Variants in EPPK1 observed in about 807,000 individuals in gnomAD.
The protein encoded by EPPK1 is epiplakin 1, also known as epiplakin.
For synonymous variants in EPPK1, 1,862 were observed against 1,721.2 expected, an observed-to-expected ratio of 1.08 and a Z score of -2.03; for missense variants, 3,823 against 3,673.3, an observed-to-expected ratio of 1.04 and a Z score of -1.05.
chr8:143,866,974 G>C lies in EPPK1; in HGVS notation c.6280C>G (p.His2094Asp). The change falls in exon 2 of 2, where the codon CAC becomes GAC. Residue 2094 changes from histidine to aspartate, a missense_variant. His to Asp is a moderately conservative substitution (Grantham distance 81). Transcript: ENST00000615648. The part of the protein sequence containing the change: ...PVNKAARDSE[H>D]IDDETRRALE... ...GCCCTTCTCGTCTCGTCATCGATGT[G>C]CTCGGAGTCCCGTGCAGCCTTGTTC... 6.2e-7 allele frequency: 1 copy of C among 1,612,782 alleles called. No homozygotes were observed. Among genetic ancestry groups the C allele is most frequent in the Non-Finnish European group, 8.5e-7 (1 of 1,179,858 alleles).
chr8:143,866,670 T>C lies in EPPK1; in HGVS notation c.6584A>G (p.Glu2195Gly). 6.2e-7 allele frequency: 1 copy of C among 1,613,192 alleles called. No homozygotes were observed. The highest frequency in any genetic ancestry group is 8.5e-7 in the Non-Finnish European group (1 of 1,179,866). ...TCCCGTTTCCAGGTCCTGGAGCATT[T>C]CCTCCGTGATTATGGCTGAGCTGAG... ...ELLSSAIITE[E>G]MLQDLETGRS... The change falls in exon 2 of 2, where the codon GAA becomes GGA. Residue 2195 changes from glutamate (E) to glycine (G), a missense_variant. By Grantham distance (98) the Glu-to-Gly change is moderately conservative. Transcript: ENST00000615648.
chr8:143,872,479 G>A lies in EPPK1; in HGVS notation c.775C>T (p.Gln259Ter). Reference sequence around the variant, plus strand: ...GCCAGCCTGCCCTCCCGCAGACCCTGCACAGCCTGCTCGTCCAGGATGCCC... The same window carrying A: ...GCCAGCCTGCCCTCCCGCAGACCCTACACAGCCTGCTCGTCCAGGATGCCC... ...EVGILDEQAVQGLREGRLAAV... is the reference protein window; with the variant it reads ...EVGILDEQAV Residue 259 changes from glutamine (Q) to a stop codon, truncating the protein, a stop_gained, in exon 2 of 2, where the codon CAG (glutamine) becomes TAG (stop). Coordinates refer to ENST00000615648, the MANE Select transcript of EPPK1 (RefSeq NM_031308.4). LOFTEE classifies it low-confidence loss of function (END_TRUNC). The A allele has an allele frequency of 1.3e-6, 2 of 1,592,314 alleles. No homozygotes were observed. Among genetic ancestry groups the A allele is most frequent in the South Asian group, 1.1e-5 (1 of 89,604 alleles).
rs1054923745 is a variant in EPPK1, at chr8:143,868,672, C to A, written c.4582G>T (p.Val1528Leu). ...GCCCTGAACAGGTCCCTGGCTGACA[C>A]CTGCTTCCGGAGCCCTCTGAAGGTG... ...QATFRGLRKQ[V>L]SARDLFRAQL... The change falls in exon 2 of 2, where the codon GTG becomes TTG. Residue 1528 changes from valine to leucine, a missense_variant. Transcript: ENST00000615648. The A allele has an allele frequency of 6.3e-7, 1 of 1,583,074 alleles. No homozygotes were observed. Among genetic ancestry groups the A allele is most frequent in the African/African-American group, 1.3e-5 (1 of 74,268 alleles).
chr8:143,879,168 G>A (rs1819549120), upstream of EPPK1, among the ~76,000 whole-genome samples: 1 of 152,204 alleles, frequency 6.6e-6, no homozygotes, highest in African/African-American at 2.4e-5. Flanking sequence ...GCCTCAGCCT[G>A]GCACGGGAAC....
At chr8:143,875,527 C>A (rs369794440) in intron 1 of EPPK1, among the ~76,000 whole-genome samples, 1 of 152,248 alleles carries the variant, frequency 6.6e-6, no homozygotes, top group East Asian at 1.9e-4. Flanking sequence ...CCCGAGGGAC[C>A]GTGCTCAGGA....
chr8:143,872,947 G>C lies in EPPK1; in HGVS notation c.307C>G (p.Leu103Val). Residue 103 changes from leucine (L) to valine (V), a missense_variant, in exon 2 of 2, where the codon CTG becomes GTG. Leu to Val is a conservative substitution (Grantham distance 32, BLOSUM62 1). Coordinates refer to ENST00000615648, the MANE Select transcript of EPPK1 (RefSeq NM_031308.4). ...TTCTCCTTCAGCTCCAGCCCCACCAGACCCTGCTGCAGGGCCTTGGACACA... is the reference window on the plus strand; with the variant it reads ...TTCTCCTTCAGCTCCAGCCCCACCACACCCTGCTGCAGGGCCTTGGACACA... ...LPVSKALQQG[L>V]VGLELKEKLL... The C allele has an allele frequency of 1.2e-6, 2 of 1,609,942 alleles. No homozygotes were observed. The highest frequency in any genetic ancestry group is 1.7e-6 in the Non-Finnish European group (2 of 1,177,958).
Position 143,868,782 on chromosome 8 carries a change from C to T in EPPK1, c.4472G>A (p.Arg1491Gln), listed in dbSNP as rs781847075. 2.6e-5 allele frequency: 42 copies of T among 1,599,066 alleles called. No individual in the cohort carries two copies. Among genetic ancestry groups the T allele is most frequent in the Middle Eastern group, 1.7e-4 (1 of 6,054 alleles). ...CCGCAGGGCCGCAGCCCTCCCAGAC[C>T]GACAGAGTGCCACCAGCTCCCGCCG... is the stretch of plus-strand genomic sequence containing the variant. ...DKRRELVALC[R>Q]SGRAAALRQV... The change falls in exon 2 of 2, where the codon CGG (arginine) becomes CAG (glutamine). Residue 1491 changes from arginine to glutamine, a missense_variant. Arg to Gln is a conservative substitution (Grantham distance 43). Transcript: ENST00000615648.
At position 143,866,639 on chromosome 8, in the gene EPPK1, G is replaced by A. The variant is rs375639727; in HGVS notation, c.6615C>T (p.Ser2205=). ...CGTCCTCCATGAGCTCTTGCGTCGT[G>A]CTCCGTCCCGTTTCCAGGTCCTGGA... ...EMLQDLETGR[S]TTQELMEDDR... is the part of the protein sequence containing the mutation. Residue 2205 remains serine, a synonymous_variant, in exon 2 of 2, where the codon AGC becomes AGT. Transcript: ENST00000615648. The A allele has an allele frequency of 6.2e-7, 1 of 1,612,892 alleles. No individual in the cohort carries two copies.
Position 143,869,984 on chromosome 8 carries a change from C to T in EPPK1, c.3270G>A (p.Gln1090=). ...GGAGCTGGGCATAGCTCGTGCGCCCCTGGCCGTCCGGTGTGGGGAAGGTTT... is the reference window on the plus strand; with the variant it reads ...GGAGCTGGGCATAGCTCGTGCGCCCTTGGCCGTCCGGTGTGGGGAAGGTTT... The part of the protein sequence containing the change: ...SSETFPTPDG[Q]GRTSYAQLLE... The change falls in exon 2 of 2, where the codon CAG becomes CAA. Residue 1090 remains glutamine (Q), a synonymous_variant. Transcript: ENST00000615648. 6.2e-7 allele frequency: 1 copy of T among 1,607,788 alleles called. No individual in the cohort carries two copies. The highest frequency in any genetic ancestry group is 8.5e-7 in the Non-Finnish European group (1 of 1,177,210).
rs782349419 is a variant in EPPK1, at chr8:143,870,051, T to C, written c.3203A>G (p.Tyr1068Cys). 22 of 1,610,776 alleles carry C rather than the reference T, an allele frequency of 1.4e-5. No individual in the cohort carries two copies. The highest frequency in any genetic ancestry group is 5.0e-5 in the Admixed American group (3 of 59,686). Residue 1068 changes from tyrosine to cysteine, a missense_variant, in exon 2 of 2, where the codon TAT (tyrosine) becomes TGT (cysteine). Physicochemically the swap from Tyr to Cys is radical, Grantham distance 194. Coordinates refer to ENST00000615648, the MANE Select transcript of EPPK1 (RefSeq NM_031308.4). This position sits in a 1 kb window ranked among gnomAD's most constrained non-coding sequence, Gnocchi z 5.2. ...LPMPVAIQRG[Y>C]VDQEMETALS... ...GGCTGTCTCCATCTCCTGGTCAACA[T>C]AGCCACGCTGAATGGCCACTGGCAT...
intron 1 of EPPK1, among the ~76,000 whole-genome samples, chr8:143,877,095 G>C (rs377717762): frequency 6.6e-6 from 1 of 152,256 alleles, no homozygotes; most frequent in African/African-American, 2.4e-5. Flanking sequence ...CTTGCCCTGC[G>C]TGTGTGAGTG....
At position 143,868,352 on chromosome 8, in the gene EPPK1, G is replaced by A. The variant is rs191674254; in HGVS notation, c.4902C>T (p.Phe1634=). 204 of 1,613,044 alleles carry A rather than the reference G, an allele frequency of 1.3e-4. No individual in the cohort carries two copies. In the African/African-American group the frequency reaches 1.3e-3, roughly 11 times the overall value. Residue 1634 remains phenylalanine, a synonymous_variant, in exon 2 of 2, where the codon TTC becomes TTT. Coordinates refer to ENST00000615648, the MANE Select transcript of EPPK1 (RefSeq NM_031308.4). ...GCAGCTTCACGTAGGTTTCTTTCCC[G>A]AACATTCCTGCTTTGAACGCCTCCT... The part of the protein sequence containing the change: ...TVEEAFKAGM[F]GKETYVKLLS...
rs1266332399 is a variant in EPPK1 at position 143,858,137 on chromosome 8, C to T, written c.15117G>A (p.Glu5039=). The T allele has an allele frequency of 1.1e-5, 17 of 1,612,732 alleles. No individual in the cohort carries two copies. In the African/African-American group the frequency reaches 1.9e-4, roughly 18 times the overall value. Residue 5039 remains glutamate (E), a synonymous_variant, in exon 2 of 2, where the codon GAG becomes GAA. Transcript: ENST00000615648. ...TGGGGTCGGCCAGGACGCGGTTCAT[C>T]TCCTCGTCGAAGTAGCCGCGCCGGT... ...VAYRRGYFDE[E]MNRVLADPSD...
chr8:143,868,779 GACCGACAGAGTGCC>G lies in EPPK1; in HGVS notation c.4461_4474del (p.Ala1488TrpfsTer279). Reference sequence around the variant, plus strand: ...CTGCCGCAGGGCCGCAGCCCTCCCAGACCGACAGAGTGCCACCAGCTCCCGCCGCTTGTCAGCGC... The same window carrying G: ...CTGCCGCAGGGCCGCAGCCCTCCCAGACCAGCTCCCGCCGCTTGTCAGCGC... On this transcript the variant is annotated frameshift_variant, in exon 2 of 2. Transcript: ENST00000615648. LOFTEE classifies it low-confidence loss of function (END_TRUNC). The G allele has an allele frequency of 2.5e-6, 4 of 1,598,484 alleles. No individual in the cohort carries two copies. The highest frequency in any genetic ancestry group is 3.4e-6 in the Non-Finnish European group (4 of 1,177,448).
intron 1 of EPPK1, among the ~76,000 whole-genome samples, chr8:143,877,742 C>T (rs1032466478): frequency 5.3e-5 from 8 of 152,118 alleles, no homozygotes; most frequent in East Asian, 1.9e-4. Flanking sequence ...GAAGACCCCA[C>T]CCACCTGCAA....
rs1270211276 is a variant in EPPK1, at chr8:143,866,576, G to A, written c.6678C>T (p.Ile2226=). The change falls in exon 2 of 2, where the codon ATC becomes ATT. Residue 2226 remains isoleucine (I), a synonymous_variant. Coordinates refer to ENST00000615648, the MANE Select transcript of EPPK1 (RefSeq NM_031308.4). ...CCTTGGCGGGCACCAGGACGCCCGC[G>A]ATGCAGCTGGTGCCCTCCAGGTAGC... The part of the protein sequence containing the change: ...VKRYLEGTSC[I]AGVLVPAKDQ... The A allele has an allele frequency of 8.1e-6, 13 of 1,610,952 alleles. No individual in the cohort carries two copies. The highest frequency in any genetic ancestry group is 1.6e-4 in the Middle Eastern group (1 of 6,068).
Position 143,867,739 on chromosome 8 carries a change from C to T in EPPK1, c.5515G>A (p.Glu1839Lys). 6.2e-7 allele frequency: 1 copy of T among 1,613,794 alleles called. No individual in the cohort carries two copies. Among genetic ancestry groups the T allele is most frequent in the Non-Finnish European group, 8.5e-7 (1 of 1,179,878 alleles). The part of the protein sequence containing the change: ...EIITTTIEET[E>K]TQNQGIKVAA... The stretch of plus-strand genomic sequence containing the variant: ...ACTTTGATGCCTTGGTTTTGCGTCT[C>T]TGTTTCTTCAATTGTCGTGGTGATG... Residue 1839 changes from glutamate (E) to lysine (K), a missense_variant, in exon 2 of 2, where the codon GAG becomes AAG. By Grantham distance (56) the Glu-to-Lys change is moderately conservative (BLOSUM62 1). Transcript: ENST00000615648.
chr8:143,869,482 C>T lies in EPPK1; in HGVS notation c.3772G>A (p.Ala1258Thr). 1.3e-6 allele frequency: 2 copies of T among 1,548,764 alleles called. No homozygotes were observed. The highest frequency in any genetic ancestry group is 1.7e-6 in the Non-Finnish European group (2 of 1,152,312). Reference sequence around the variant, plus strand: ...ACGGCCTGGGCGATGCTGGCCTTGGCCCCAGAGGGCTGTAGCAGCACACCG... The same window carrying T: ...ACGGCCTGGGCGATGCTGGCCTTGGTCCCAGAGGGCTGTAGCAGCACACCG... Reference protein sequence around the residue: ...VAGVLLQPSGAKASIAQAVRD... With the variant: ...VAGVLLQPSGTKASIAQAVRD... The change falls in exon 2 of 2, where the codon GCC (alanine) becomes ACC (threonine). Residue 1258 changes from alanine (A) to threonine (T), a missense_variant. Physicochemically the swap from Ala to Thr is moderately conservative, Grantham distance 58. Coordinates refer to ENST00000615648, the MANE Select transcript of EPPK1 (RefSeq NM_031308.4).
Position 143,867,013 on chromosome 8 carries a change from G to T in EPPK1, c.6241C>A (p.Leu2081Met). The change falls in exon 2 of 2, where the codon CTG becomes ATG. Residue 2081 changes from leucine (L) to methionine (M), a missense_variant. By Grantham distance (15) the Leu-to-Met change is conservative. Transcript: ENST00000615648. Reference sequence around the variant, plus strand: ...GCAGCCTTGTTCACTGGGAACAGCAGCCAGCCCGTGTCCTCTTGTGGGCGG... The same window carrying T: ...GCAGCCTTGTTCACTGGGAACAGCATCCAGCCCGTGTCCTCTTGTGGGCGG... ...RCRPQEDTGWLLFPVNKAARD... is the reference protein window; with the variant it reads ...RCRPQEDTGWMLFPVNKAARD... 1 of 1,612,564 alleles carries T rather than the reference G, an allele frequency of 6.2e-7. No individual in the cohort carries two copies. Among genetic ancestry groups the T allele is most frequent in the Non-Finnish European group, 8.5e-7 (1 of 1,179,828 alleles).
Sources: allele counts gnomAD v4.1 joint callset (sites outside exome capture counted in the v4.1 genomes callset), GRCh38; gene constraint gnomAD v4.1.1; non-coding constraint Gnocchi (gnomAD v3.1); transcripts MANE v1.5; gene names NCBI Gene and HGNC (gene_info 2026-07-23, HGNC 2026-07-21).